SYTL2: variants seen among roughly 807,000 people sequenced by gnomAD.
SYTL2 encodes synaptotagmin like 2.
A neutral mutation model predicts 198.7 loss-of-function variants in SYTL2; 165 were observed. The observed-to-expected ratio is 0.83, with a 90% CI of 0.73 to 0.94. The LOEUF is 0.94. Ranked by LOEUF, SYTL2 falls within the 40% of genes least tolerant of loss-of-function variation. The pLI, the probability that SYTL2 is intolerant of heterozygous loss-of-function variation, is 0.00. For missense variants in SYTL2, 2,835 were observed against 2,582.8 expected, an observed-to-expected ratio of 1.10 and a Z score of -2.12; for synonymous variants, 966 against 917.7, an observed-to-expected ratio of 1.05 and a Z score of -0.95.
chr11:85,841,816 TTAAAA>T, the SYTL2 span, among the ~76,000 whole-genome samples: 6 of 152,152 alleles, frequency 3.9e-5, no homozygotes, highest in East Asian at 1.9e-4. Flanking sequence ...ACCCCTGAAC[TTAAAA>T]TAAAAGTTAA....
In SYTL2 at chr11:85,724,171, T is replaced by C; in HGVS notation, c.5187A>G (p.Thr1729=). 6.2e-7 allele frequency: 1 copy of C among 1,605,262 alleles called. No individual in the cohort carries two copies. Among genetic ancestry groups the C allele is most frequent in the East Asian group, 2.2e-5 (1 of 44,748 alleles). Residue 1729 remains threonine (T), a synonymous_variant, in exon 8 of 20, where the codon ACA becomes ACG. Transcript: ENST00000359152. ...GAGTCAATTCAACTTTACTTGTTTT[T>C]GTAGAGTTTTCTTTGTTCATCAGGA... The part of the protein sequence containing the change: ...IPLLMNKENS[T]KTSKVELTLA...
chr11:85,786,402 A>G (rs546797020), intron 1 of SYTL2, among the ~76,000 whole-genome samples: 2 of 152,302 alleles, frequency 1.3e-5, no homozygotes, highest in East Asian at 3.9e-4. Flanking sequence ...ATATGCACAC[A>G]CACATTAGTA....
intron 11 of SYTL2, chr11:85,716,162 C>A (rs556055626): frequency 6.6e-6 from 1 of 152,252 alleles, no homozygotes; most frequent in Admixed American, 6.5e-5. Context: ...GCATATATGT[C>A]TATGTGTGTT....
chr11:85,700,486 A>C, intron 17 of SYTL2, 29 bp downstream of exon 17: 2 of 1,559,168 alleles, frequency 1.3e-6, no homozygotes, highest in Non-Finnish European at 1.8e-6. Context: ...AGGAAAGGAC[A>C]TAAATCTGAA....
At chr11:85,793,934 A>C (rs2092767166) in intron 1 of SYTL2, among the ~76,000 whole-genome samples, 1 of 152,258 alleles carries the variant, frequency 6.6e-6, no homozygotes. Flanking sequence ...TCAAAAAAAG[A>C]AGTTAATGCT....
intron 1 of SYTL2, among the ~76,000 whole-genome samples, chr11:85,775,961 T>C (rs989706431): frequency 1.3e-5 from 2 of 152,216 alleles, no homozygotes; most frequent in African/African-American, 4.8e-5. Flanking sequence ...TTAATCCCAA[T>C]GATGGAGGTA....
chr11:85,759,947 C>T (rs1002497963), intron 1 of SYTL2, among the ~76,000 whole-genome samples: 3 of 152,180 alleles, frequency 2.0e-5, no homozygotes, highest in African/African-American at 7.2e-5. Flanking sequence ...TTCATTTCCT[C>T]CCTGTAACAG....
At chr11:85,787,347 T>C (rs1012012882) in intron 1 of SYTL2, among the ~76,000 whole-genome samples, 1 of 152,244 alleles carries the variant, frequency 6.6e-6, no homozygotes, top group African/African-American at 2.4e-5. Flanking sequence ...CTTCCATAGA[T>C]ACTTCCAGGA....
At chr11:85,708,995 C>T (rs919819758) in intron 14 of SYTL2, among the ~76,000 whole-genome samples, 21 of 151,710 alleles carry the variant, frequency 1.4e-4, no homozygotes, top group Non-Finnish European at 2.4e-4. Flanking sequence ...CCCGCCACCA[C>T]GCCCAGCTAA....
chr11:85,715,176 T>C (rs1438602931), intron 11 of SYTL2: 1 of 152,196 alleles, frequency 6.6e-6, no homozygotes, highest in East Asian at 1.9e-4. Context: ...AAATGTAGCA[T>C]ATGTCTTCTT....
chr11:85,789,358 ATATATATATATATATATATG>A (rs1174256009), intron 1 of SYTL2, among the ~76,000 whole-genome samples: 145 of 59,706 alleles, frequency 2.4e-3, no homozygotes, highest in Admixed American at 3.9e-3. Context: ...ATATATATAT[ATATATATATATATATATATG>A]TATATATATA....
At chr11:85,706,308 C>A (rs2085133144) in intron 15 of SYTL2, among the ~76,000 whole-genome samples, 1 of 152,174 alleles carries the variant, frequency 6.6e-6, no homozygotes, top group African/African-American at 2.4e-5. Context: ...CTTGGCAGAT[C>A]TGAGGTGCCC....
In SYTL2 at chr11:85,727,810, A is replaced by G; in HGVS notation, c.1548T>C (p.Asp516=). 1 of 1,607,054 alleles carries G rather than the reference A, an allele frequency of 6.2e-7. No individual in the cohort carries two copies. ...AGTCTAGAACTTTAAATATGGAATC[A>G]TCAGTTGACTTCTTTATCTCAGTGG... The part of the protein sequence containing the change: ...PYATEIKKST[D]DSIFKVLDWF... Residue 516 remains aspartate, a synonymous_variant, in exon 8 of 20, where the codon GAT becomes GAC. Transcript: ENST00000359152.
chr11:85,801,865 A>C (rs1193049239), intron 1 of SYTL2, among the ~76,000 whole-genome samples: 5 of 147,102 alleles, frequency 3.4e-5, no homozygotes, highest in Non-Finnish European at 5.9e-5. Context: ...CTGTCGCTGG[A>C]GTGCAATGGC....
intron 1 of SYTL2, among the ~76,000 whole-genome samples, chr11:85,782,400 G>A (rs2153603665): frequency 6.6e-6 from 1 of 152,306 alleles, no homozygotes; most frequent in Admixed American, 6.5e-5. Context: ...ACCTGTGATG[G>A]GTGGGGGGGC....
the SYTL2 span, among the ~76,000 whole-genome samples, chr11:85,840,162 G>A: frequency 6.6e-6 from 1 of 152,040 alleles, no homozygotes; most frequent in Admixed American, 6.6e-5. Flanking sequence ...AGAGTCACCT[G>A]AGGTCCTTAC....
intron 1 of SYTL2, among the ~76,000 whole-genome samples, chr11:85,765,100 AG>A (rs1156306505): frequency 1.1e-4 from 17 of 152,252 alleles, no homozygotes; most frequent in Admixed American, 1.1e-3. Context: ...TTGAGAGGAA[AG>A]AATTGTCTTG....
chr11:85,787,355 G>C (rs1285951962), intron 1 of SYTL2, among the ~76,000 whole-genome samples: 1 of 152,126 alleles, frequency 6.6e-6, no homozygotes. Context: ...GATACTTCCA[G>C]GAACTAGTGC....
At chr11:85,790,924 G>T (rs189877912) in intron 1 of SYTL2, among the ~76,000 whole-genome samples, 13 of 152,202 alleles carry the variant, frequency 8.5e-5, no homozygotes, top group Admixed American at 3.3e-4. Context: ...AACATTTTGG[G>T]AGGCTGAGGC....
Sources: allele counts gnomAD v4.1 joint callset (sites outside exome capture counted in the v4.1 genomes callset), GRCh38; gene constraint gnomAD v4.1.1; transcripts MANE v1.5; gene names NCBI Gene and HGNC (gene_info 2026-07-23, HGNC 2026-07-21).